PCDHGB1: variants seen among roughly 807,000 people sequenced by gnomAD.
The protein encoded by PCDHGB1 is protocadherin gamma-B1.
Under a neutral mutation model 56.6 loss-of-function variants are expected in PCDHGB1, and 34 were observed. The observed-to-expected ratio is 0.60, with a 90% confidence interval of 0.46 to 0.80. The LOEUF is 0.80. PCDHGB1 is among the 30% of genes least tolerant of loss of function. The pLI, the probability that PCDHGB1 is intolerant of heterozygous loss-of-function variation, is 0.00. For synonymous variants in PCDHGB1, 561 were observed against 505.9 expected (o/e 1.11, Z -1.46); for missense variants, 1,278 against 1,204.6 (o/e 1.06, Z -0.90).
At position 141,350,276 on chromosome 5, in the gene PCDHGB1, G is replaced by A; in HGVS notation, c.16G>A (p.Glu6Lys). MQRAR[E>K]AEMMKSQVLF... ...AGTTCCTGAAATGCAGAGAGCCAGA[G>A]AAGCCGAAATGATGAAAAGTCAGGT... Residue 6 changes from glutamate (E) to lysine (K), a missense_variant, in exon 1 of 4, where the codon GAA becomes AAA. By Grantham distance (56) the Glu-to-Lys change is moderately conservative. Transcript: ENST00000523390. 6.6e-7 allele frequency: 1 copy of A among 1,512,286 alleles called. No individual in the cohort carries two copies. 93.7% of individuals were successfully genotyped at this position (1,512,286 alleles called of 1,614,324 possible). A position where few individuals can be genotyped will look rare whatever the true frequency, so the allele number is the denominator to read the frequency against.
At chr5:141,355,346 C>G (rs571668487) in intron 1 of PCDHGB1, 2 of 1,613,986 alleles carry the variant, frequency 1.2e-6, no homozygotes, top group African/African-American at 2.7e-5. Context: ...GGCAACATCG[C>G]CAAGGACCTG....
intron 1 of PCDHGB1, chr5:141,362,522 C>T (rs780916680): frequency 3.7e-6 from 6 of 1,614,018 alleles, no homozygotes; most frequent in Non-Finnish European, 5.1e-6. Flanking sequence ...CATGGAGCCG[C>T]TGGGGTCCCT....
At chr5:141,440,113 G>A (rs1375262224) in intron 1 of PCDHGB1, 1 of 152,248 alleles carries the variant, frequency 6.6e-6, no homozygotes, top group Non-Finnish European at 1.5e-5. Context: ...ACTTACTTGT[G>A]AATGACTGAA....
At position 141,512,346 on chromosome 5, in the gene PCDHGB1, G is replaced by A. The variant is rs1391003897; in HGVS notation, c.*1173G>A. ...CAGGCCATTCTTAGTCCCTGGGTTG[G>A]GGAGGCAGGGAGCTAGGGCAGGGAC... On this transcript the variant is annotated 3_prime_UTR_variant, in exon 4 of 4. Transcript: ENST00000523390. 6.5e-6 allele frequency: 1 copy of A among 152,876 alleles called. No individual in the cohort carries two copies. Among genetic ancestry groups the A allele is most frequent in the Non-Finnish European group, 1.5e-5 (1 of 68,232 alleles). 9.5% of individuals were successfully genotyped at this position (152,876 alleles called of 1,614,324 possible). A position where few individuals can be genotyped will look rare whatever the true frequency, so the allele number is the denominator to read the frequency against.
chr5:141,417,524 T>C (rs2096128269), intron 1 of PCDHGB1: 1 of 271,098 alleles, frequency 3.7e-6, no homozygotes, highest in African/African-American at 2.2e-5. Flanking sequence ...GGCTGTCAAC[T>C]CGTAGTTTAA....
At chr5:141,374,085 TG>T (rs1282444417) in intron 1 of PCDHGB1, 2 of 1,528,732 alleles carry the variant, frequency 1.3e-6, no homozygotes, top group Non-Finnish European at 1.8e-6. Flanking sequence ...AAGCCAGTAA[TG>T]GCGCCTCCGC....
At chr5:141,398,667 A>G (rs750777887) in intron 1 of PCDHGB1, 1 of 1,614,006 alleles carries the variant, frequency 6.2e-7, no homozygotes, top group Admixed American at 1.7e-5. Flanking sequence ...GTTTCTCATT[A>G]ATAATTAAGG....
At chr5:141,354,997 A>G in intron 1 of PCDHGB1, 2 of 704,394 alleles carry the variant, frequency 2.8e-6, no homozygotes, top group Non-Finnish European at 2.1e-6. Flanking sequence ...AATCAGGGGG[A>G]AAAGACAAAC....
Position 141,351,866 on chromosome 5 carries a change from C to G in PCDHGB1, c.1606C>G (p.Pro536Ala), listed in dbSNP as rs750513233. ...LTLQARDQGS[P>A]ALSANVSLRV... ...ACTGCAGGCCAGGGACCAGGGCTCC[C>G]CCGCGCTCAGCGCCAACGTGAGCCT... Residue 536 changes from proline (P) to alanine (A), a missense_variant, in exon 1 of 4, where the codon CCC (proline) becomes GCC (alanine). Physicochemically the swap from Pro to Ala is conservative, Grantham distance 27. Coordinates refer to ENST00000523390, the MANE Select transcript of PCDHGB1 (RefSeq NM_018922.3). 1 of 1,613,268 alleles carries G rather than the reference C, an allele frequency of 6.2e-7. No individual in the cohort carries two copies. Among genetic ancestry groups the G allele is most frequent in the South Asian group, 1.1e-5 (1 of 91,052 alleles).
At position 141,432,463 on chromosome 5, in the gene PCDHGB1, C is replaced by T; in HGVS notation, c.2410-62344C>T. ...CCGAGATCCTGTACCCCGCCCTCCC[C>T]ACGGACGGTTCCACTGGCGTGGAGC... On this transcript the variant is annotated intron_variant, in intron 1 of 3. Transcript: ENST00000523390. The surrounding 1 kb of genome is among the most constrained non-coding windows in gnomAD (Gnocchi z 6.0). 6.2e-7 allele frequency: 1 copy of T among 1,614,238 alleles called. No individual in the cohort carries two copies. The highest frequency in any genetic ancestry group is 1.1e-5 in the South Asian group (1 of 91,084).
chr5:141,354,163 CACTAA>C (rs1183313451), intron 1 of PCDHGB1, among the ~76,000 whole-genome samples: 4 of 152,148 alleles, frequency 2.6e-5, no homozygotes, highest in Non-Finnish European at 5.9e-5. Flanking sequence ...GTGAAAAAAT[CACTAA>C]ACTATTATCT....
intron 1 of PCDHGB1, among the ~76,000 whole-genome samples, chr5:141,380,760 A>C (rs1264111789): frequency 6.6e-6 from 1 of 152,232 alleles, no homozygotes; most frequent in Non-Finnish European, 1.5e-5. Context: ...AGACACTATA[A>C]ATTAATTGAG....
chr5:141,372,115 T>C, intron 1 of PCDHGB1: 1 of 1,613,758 alleles, frequency 6.2e-7, no homozygotes, highest in Non-Finnish European at 8.5e-7. Flanking sequence ...GGCTCTGCGC[T>C]CTTCGATATG....
At chr5:141,462,039 T>A (rs569871892) in intron 1 of PCDHGB1, among the ~76,000 whole-genome samples, 1 of 152,276 alleles carries the variant, frequency 6.6e-6, no homozygotes, top group Non-Finnish European at 1.5e-5. Flanking sequence ...GTCAGGCGGG[T>A]CTTGAACTCC....
intron 1 of PCDHGB1, chr5:141,410,202 A>C (rs766392835): frequency 1.3e-5 from 21 of 1,614,018 alleles, no homozygotes; most frequent in Non-Finnish European, 1.6e-5. Context: ...TTCGCAGACA[A>C]CTTGCAAGAG....
chr5:141,362,414 C>G, intron 1 of PCDHGB1: 1 of 1,614,058 alleles, frequency 6.2e-7, no homozygotes, highest in Non-Finnish European at 8.5e-7. Context: ...GCCTCACAAT[C>G]AGCCAAGACA....
chr5:141,406,294 G>C (rs1399208737), intron 1 of PCDHGB1, among the ~76,000 whole-genome samples: 1 of 151,910 alleles, frequency 6.6e-6, no homozygotes, highest in East Asian at 1.9e-4. Flanking sequence ...CACTGGGTGA[G>C]GTGTGAACCA....
chr5:141,361,879 G>A (rs755410945), intron 1 of PCDHGB1: 5 of 1,610,512 alleles, frequency 3.1e-6, no homozygotes, highest in South Asian at 1.1e-5. Context: ...GCCACGCGCC[G>A]CAGAGCCCGG....
chr5:141,373,179 T>G (rs576905646), intron 1 of PCDHGB1, among the ~76,000 whole-genome samples: 1 of 152,360 alleles, frequency 6.6e-6, no homozygotes, highest in East Asian at 1.9e-4. Flanking sequence ...TCCTAAAATA[T>G]ATGAAACATT....
Sources: gnomAD v4.1 joint callset for allele counts (sites outside exome capture counted in the v4.1 genomes callset) on GRCh38, gnomAD v4.1.1 for gene constraint, Gnocchi (gnomAD v3.1) non-coding constraint, MANE v1.5 for transcripts, NCBI Gene and HGNC (gene_info 2026-07-23, HGNC 2026-07-21) for gene names.